CCDC6: variants seen among roughly 807,000 people sequenced by gnomAD.
CCDC6 encodes the protein coiled-coil domain containing 6, also known as coiled-coil domain-containing protein 6.
A neutral mutation model predicts 56.6 loss-of-function variants in CCDC6; 20 were observed. The ratio of observed to expected loss-of-function variants is 0.35; its 90% CI spans 0.25 to 0.51. CCDC6 has a LOEUF of 0.51. Among genes scored for constraint, CCDC6 ranks in the 20% least tolerant of loss-of-function variants. The pLI is 0.95. For missense variants in CCDC6, 367 were observed against 601.1 expected, an observed-to-expected ratio of 0.61 and a Z score of 4.07; for synonymous variants, 241 against 234.4, an observed-to-expected ratio of 1.03 and a Z score of -0.26.
chr10:59,875,607 T>C (rs76381437), intron 1 of CCDC6, among the ~76,000 whole-genome samples: 1,732 of 152,334 alleles, frequency 0.011, 33 homozygotes, highest in African/African-American at 0.04. Flanking sequence ...CAAGTCCAAG[T>C]TGTACCTCCT....
chr10:59,900,210 G>T (rs1171824), intron 1 of CCDC6, among the ~76,000 whole-genome samples: 3 of 151,712 alleles, frequency 2.0e-5, no homozygotes, highest in Non-Finnish European at 2.9e-5. Context: ...GGGGTGGGGG[G>T]GGTGGTGTCT....
At chr10:59,861,432 C>CAAAAAAAAAAAAA (rs55716341) in intron 1 of CCDC6, among the ~76,000 whole-genome samples, 1 of 88,946 alleles carries the variant, frequency 1.1e-5, no homozygotes, top group Admixed American at 1.4e-4. Context: ...CAAAAATTAC[C>CAAAAAAAAAAAAA]AAAAAAAAAA....
At position 59,792,328 on chromosome 10, in the gene CCDC6, A is replaced by G. The variant is rs2070475366; in HGVS notation, c.*589T>C. On this transcript the variant is annotated 3_prime_UTR_variant, in exon 9 of 9. Transcript: ENST00000263102. The stretch of plus-strand genomic sequence containing the variant: ...TTTACGAGAGACATGGATGTCAATA[A>G]CACAATGAAAATAACCTGTAAAAAA... 1 of 382,904 alleles carries G rather than the reference A, an allele frequency of 2.6e-6. No homozygotes were observed. Among genetic ancestry groups the G allele is most frequent in the African/African-American group, 2.0e-5 (1 of 49,502 alleles). The allele number at this position is 382,904 out of a possible 1,614,324, so 23.7% of individuals were successfully genotyped here.
intron 2 of CCDC6, among the ~76,000 whole-genome samples, chr10:59,837,641 G>C (rs565501210): frequency 1.3e-5 from 2 of 151,182 alleles, no homozygotes; most frequent in East Asian, 3.9e-4. Context: ...AGCTACTCAG[G>C]AGGCTGAGGC....
chr10:59,828,666 AT>A (rs1434467141), intron 3 of CCDC6, among the ~76,000 whole-genome samples: 1 of 152,132 alleles, frequency 6.6e-6, no homozygotes, highest in Non-Finnish European at 1.5e-5. Context: ...CCGGATTTCC[AT>A]TTCTGAAAAG....
Position 59,792,198 on chromosome 10 carries a change from A to T in CCDC6, c.*719T>A. 3 of 256,638 alleles carry T rather than the reference A, an allele frequency of 1.2e-5. No homozygotes were observed. Among genetic ancestry groups the T allele is most frequent in the South Asian group, 1.0e-4 (1 of 9,602 alleles). The allele number at this position is 256,638 out of a possible 1,614,324, so 15.9% of individuals were successfully genotyped here. A position where few individuals can be genotyped will look rare whatever the true frequency, so the allele number is the denominator to read the frequency against. On this transcript the variant is annotated 3_prime_UTR_variant, in exon 9 of 9. Coordinates refer to ENST00000263102, the MANE Select transcript of CCDC6 (RefSeq NM_005436.5). The stretch of plus-strand genomic sequence containing the variant: ...AGAGGGGGCCAGGTTAAGTAGATTA[A>T]CATTAAGGATAAAAAAGAGAATCAC...
intron 1 of CCDC6, among the ~76,000 whole-genome samples, chr10:59,897,151 G>C (rs979527373): frequency 1.3e-5 from 2 of 152,218 alleles, no homozygotes; most frequent in Non-Finnish European, 2.9e-5. Flanking sequence ...TTGACTCAAC[G>C]GATGTCTTTG....
intron 8 of CCDC6, among the ~76,000 whole-genome samples, chr10:59,793,514 T>G (rs1229629019): frequency 6.6e-6 from 1 of 152,222 alleles, no homozygotes; most frequent in Admixed American, 6.5e-5. Context: ...CCGGGTGCAG[T>G]GGCTCACACC....
chr10:59,802,393 T>G lies in CCDC6; in HGVS notation c.1105+2027A>C, dbSNP rs1468207177. ...CAGCATATTTCCACTAAGGAAGTGA[T>G]TAGATATTCTTAATGCTTACAGCCA... On this transcript the variant is annotated intron_variant, in intron 7 of 8. Transcript: ENST00000263102. Among the ~76,000 whole-genome samples, 4 of 152,198 alleles carry G rather than the reference T, an allele frequency of 2.6e-5. No homozygotes were observed. In the East Asian group the frequency reaches 7.7e-4, roughly 29 times the overall value.
chr10:59,828,375 G>T (rs557068067), intron 3 of CCDC6, among the ~76,000 whole-genome samples: 1 of 152,266 alleles, frequency 6.6e-6, no homozygotes, highest in East Asian at 1.9e-4. Flanking sequence ...TCCTGAATAT[G>T]CTTTTTTACA....
chr10:59,902,461 T>C (rs556383074), intron 1 of CCDC6, among the ~76,000 whole-genome samples: 13 of 145,940 alleles, frequency 8.9e-5, no homozygotes, highest in South Asian at 4.4e-4. Flanking sequence ...TGGTGCGACA[T>C]TGGCTCACTG....
Position 59,807,090 on chromosome 10 carries a change from G to C in CCDC6, c.848-12C>G. The C allele has an allele frequency of 6.2e-7, 1 of 1,611,818 alleles. No individual in the cohort carries two copies. ...CATTTTCTCTGAATCTGAAAAGTCA[G>C]AGTTTTCAATTAAACCATGTTTCAT... On this transcript the variant is annotated splice_polypyrimidine_tract_variant and intron_variant, in intron 5 of 8. Transcript: ENST00000263102.
intron 1 of CCDC6, among the ~76,000 whole-genome samples, chr10:59,898,755 G>C (rs1209116487): frequency 1.3e-5 from 2 of 152,154 alleles, no homozygotes; most frequent in Non-Finnish European, 2.9e-5. Flanking sequence ...CCTCTTTGAG[G>C]CTATATTTAT....
intron 1 of CCDC6, among the ~76,000 whole-genome samples, chr10:59,894,791 G>A (rs1183852907): frequency 6.6e-6 from 1 of 152,122 alleles, no homozygotes; most frequent in South Asian, 2.1e-4. Context: ...GAGGGCAACT[G>A]AGCCAGGAAG....
chr10:59,904,063 T>G (rs529891532), intron 1 of CCDC6, among the ~76,000 whole-genome samples: 50 of 152,360 alleles, frequency 3.3e-4, no homozygotes, highest in Non-Finnish European at 5.9e-4. Flanking sequence ...TCCCTGAATA[T>G]ATTAGTCAGA....
intron 2 of CCDC6, among the ~76,000 whole-genome samples, chr10:59,837,696 A>C (rs2070894861): frequency 7.0e-6 from 1 of 141,882 alleles, no homozygotes; most frequent in Non-Finnish European, 1.5e-5. Flanking sequence ...CAGTTAGCCG[A>C]GATCGCACCA....
chr10:59,795,582 T>C (rs932213983), intron 7 of CCDC6, among the ~76,000 whole-genome samples: 3 of 151,430 alleles, frequency 2.0e-5, no homozygotes, highest in Non-Finnish European at 1.5e-5. Flanking sequence ...ATTAACTCGT[T>C]ATTTAGCATT....
At chr10:59,798,630 A>G (rs1355926836) in intron 7 of CCDC6, among the ~76,000 whole-genome samples, 1 of 152,254 alleles carries the variant, frequency 6.6e-6, no homozygotes, top group Non-Finnish European at 1.5e-5. Flanking sequence ...TTTTCTTTAA[A>G]AAAACATTGG....
intron 7 of CCDC6, 112 bp downstream of exon 7, chr10:59,804,308 G>A: frequency 1.5e-6 from 1 of 680,462 alleles, no homozygotes; most frequent in Non-Finnish European, 2.7e-6. Context: ...AAAAAGACAT[G>A]ATTATTATCC....
Sources: allele counts gnomAD v4.1 joint callset (sites outside exome capture counted in the v4.1 genomes callset), GRCh38; gene constraint gnomAD v4.1.1; transcripts MANE v1.5; gene names NCBI Gene and HGNC (gene_info 2026-07-23, HGNC 2026-07-21).